Variants in RNF212 observed in about 807,000 individuals in gnomAD.
RNF212 encodes the protein probable E3 SUMO-protein ligase RNF212.
In RNF212, 33 loss-of-function variants were observed where a neutral mutation model predicts 34.7. The ratio of observed to expected loss-of-function variants is 0.95; its 90% CI spans 0.72 to 1.27. The LOEUF (loss-of-function observed/expected upper bound fraction) is 1.27, where lower values mean the gene tolerates loss of function less well. RNF212 is among the 50% of genes most tolerant of loss of function. The probability of loss-of-function intolerance (pLI) is 0.00; values close to 1 mark genes in which losing one functional copy is unlikely to be tolerated. For missense variants in RNF212, 377 were observed against 362.2 expected (o/e 1.04, Z -0.33); for synonymous variants, 140 against 136.1 (o/e 1.03, Z -0.20).
intron 4 of RNF212, among the ~76,000 whole-genome samples, chr4:1,090,049 C>T (rs1237063850): frequency 6.7e-6 from 1 of 148,512 alleles, no homozygotes; most frequent in Non-Finnish European, 1.5e-5. Context: ...GGTGACAGGA[C>T]AGGGTGGTGG....
intron 3 of RNF212, among the ~76,000 whole-genome samples, 183 bp from the exon 4 acceptor site, chr4:1,091,021 A>C (rs1250137505): frequency 6.6e-6 from 1 of 152,236 alleles, no homozygotes; most frequent in African/African-American, 2.4e-5. Context: ...GGGCAAACAC[A>C]GGGGAGGCTT....
chr4:1,111,554 G>A (rs1046696891), intron 1 of RNF212, among the ~76,000 whole-genome samples: 3 of 152,034 alleles, frequency 2.0e-5, no homozygotes, highest in African/African-American at 7.3e-5. Flanking sequence ...CCTTGTCTCC[G>A]ACTCATGTCT....
In RNF212 at chr4:1,101,788, T is replaced by C. The variant is rs376778478; in HGVS notation, c.172-4949A>G. Among the ~76,000 whole-genome samples, 50 of 152,316 alleles carry C rather than the reference T, an allele frequency of 3.3e-4. No homozygotes were observed. The South Asian group carries it at 6.8e-3, about 21-fold the overall frequency. On this transcript the variant is annotated intron_variant, in intron 2 of 9. Coordinates refer to ENST00000433731, the MANE Select transcript of RNF212 (RefSeq NM_001131034.4). ...TTCCTTCTCAGCGCAAAAATATCTG[T>C]ACATACACCTAAGAAAGCTTGCAGC...
chr4:1,111,289 A>C (rs544923090), intron 1 of RNF212, among the ~76,000 whole-genome samples: 1 of 152,298 alleles, frequency 6.6e-6, no homozygotes, highest in South Asian at 2.1e-4. Flanking sequence ...ACACTCCAAT[A>C]TCTAGGATTA....
At position 1,058,290 on chromosome 4, in the gene RNF212, A is replaced by AAGAAGGTGCTTGCGGGGGTTAGATCGCT. The variant is rs1560086786; in HGVS notation, n.220+30_220+31insAGCGATCTAACCCCCGCAAGCACCTTCT. The AAGAAGGTGCTTGCGGGGGTTAGATCGCT allele has an allele frequency of 5.5e-6, 2 of 366,286 alleles. 1 individual carries two copies. The highest frequency in any genetic ancestry group is 7.4e-6 in the Non-Finnish European group (2 of 268,554). The allele number at this position is 366,286 out of a possible 1,614,324, so 22.7% of individuals were successfully genotyped here. On this transcript the variant is annotated intron_variant and non_coding_transcript_variant, in intron 4 of 4. Transcript: ENST00000503206. ...AAGGTGCTTGCGGGGGTTAGAACGCAGTGAAGAAGGTGCTTGCGGGGGGGC... is the reference window on the plus strand; with the variant it reads ...AAGGTGCTTGCGGGGGTTAGAACGCAAGAAGGTGCTTGCGGGGGTTAGATCGCTGTGAAGAAGGTGCTTGCGGGGGGGC...
chr4:1,108,222 T>A (rs966545469), intron 2 of RNF212, 121 bp downstream of exon 2: 3 of 595,406 alleles, frequency 5.0e-6, no homozygotes, highest in Non-Finnish European at 8.8e-6. Context: ...CTCAGATATC[T>A]TTGTTAACGG....
At chr4:1,083,234 T>C (rs1720638543) in intron 5 of RNF212, among the ~76,000 whole-genome samples, 1 of 152,212 alleles carries the variant, frequency 6.6e-6, no homozygotes, top group African/African-American at 2.4e-5. Context: ...ATAAAAAGGC[T>C]GCCTGTGAAA....
At chr4:1,108,565 G>A (rs1313858878) in intron 1 of RNF212, among the ~76,000 whole-genome samples, 161 bp from the exon 2 acceptor site, 1 of 152,188 alleles carries the variant, frequency 6.6e-6, no homozygotes, top group East Asian at 1.9e-4. Context: ...GGTACAGTTG[G>A]AAGGATTTAT....
chr4:1,082,459 C>T (rs927435243), intron 5 of RNF212, among the ~76,000 whole-genome samples: 7 of 152,222 alleles, frequency 4.6e-5, no homozygotes, highest in African/African-American at 1.4e-4. Context: ...ACCGAGTGCC[C>T]GTCTATGCTG....
chr4:1,107,893 C>A (rs992015459), intron 2 of RNF212, among the ~76,000 whole-genome samples: 5 of 152,150 alleles, frequency 3.3e-5, no homozygotes, highest in African/African-American at 1.2e-4. Context: ...AGAGAAAAGA[C>A]CAATCATTTG....
chr4:1,082,132 A>G (rs1720454586), intron 5 of RNF212, among the ~76,000 whole-genome samples: 1 of 152,156 alleles, frequency 6.6e-6, no homozygotes. Flanking sequence ...TCAAAAAAGG[A>G]AAAGGAAGGG....
At chr4:1,061,034 T>A (rs1461543614) in intron 3 of RNF212, among the ~76,000 whole-genome samples, 1 of 152,180 alleles carries the variant, frequency 6.6e-6, no homozygotes, top group Non-Finnish European at 1.5e-5. Context: ...GGAAATCAAT[T>A]CAAGGCAGAC....
At chr4:1,066,089 GT>G (rs556982518) in intron 3 of RNF212, among the ~76,000 whole-genome samples, 196 of 140,392 alleles carry the variant, frequency 1.4e-3, no homozygotes, top group Middle Eastern at 7.6e-3. Context: ...CTATCTTGCT[GT>G]TTTTTTTTTT....
chr4:1,094,933 T>C (rs1304471969), intron 3 of RNF212, among the ~76,000 whole-genome samples: 2 of 152,238 alleles, frequency 1.3e-5, no homozygotes, highest in Non-Finnish European at 2.9e-5. Context: ...CAGAACCTTT[T>C]GTATGTAAAT....
intron 8 of RNF212, among the ~76,000 whole-genome samples, chr4:1,078,039 T>G (rs1350788380): frequency 6.6e-6 from 1 of 152,174 alleles, no homozygotes; most frequent in Non-Finnish European, 1.5e-5. Flanking sequence ...TTCTGCCTTC[T>G]TATTCTGACT....
chr4:1,112,308 C>T (rs999150991), intron 1 of RNF212, among the ~76,000 whole-genome samples: 16 of 152,290 alleles, frequency 1.1e-4, no homozygotes, highest in African/African-American at 3.6e-4. Flanking sequence ...TTCACTAAGG[C>T]TCCATGGGTC....
chr4:1,099,295 C>T (rs1723551545), intron 2 of RNF212, among the ~76,000 whole-genome samples: 1 of 152,144 alleles, frequency 6.6e-6, no homozygotes, highest in Admixed American at 6.5e-5. Context: ...AAACTGAAAA[C>T]ACTAACAGCC....
chr4:1,094,086 C>G, intron 3 of RNF212: 1 of 1,423,048 alleles, frequency 7.0e-7, no homozygotes, highest in Non-Finnish European at 9.2e-7. Context: ...ACCTGGCTGA[C>G]CACAGCCTGA....
downstream of RNF212, chr4:1,071,340 TA>T (rs1718477244): frequency 6.6e-6 from 1 of 152,088 alleles, no homozygotes; most frequent in South Asian, 2.1e-4. Flanking sequence ...AATAAATTAT[TA>T]AAAAAACTCA....
Sources: gnomAD v4.1 joint callset for allele counts (sites outside exome capture counted in the v4.1 genomes callset) on GRCh38, gnomAD v4.1.1 for gene constraint, MANE v1.5 for transcripts, NCBI Gene and HGNC (gene_info 2026-07-23, HGNC 2026-07-21) for gene names.